TXNDC12: variants seen among roughly 807,000 people sequenced by gnomAD.
TXNDC12 encodes the protein thioredoxin domain containing 12.
In TXNDC12, 22 loss-of-function variants were observed where a neutral mutation model predicts 24.2. The observed-to-expected ratio is 0.91, with a 90% confidence interval of 0.65 to 1.30. The LOEUF (loss-of-function observed/expected upper bound fraction) is 1.30, where lower values mean the gene tolerates loss of function less well. TXNDC12 is among the 50% of genes most tolerant of loss of function. The probability of loss-of-function intolerance (pLI) is 0.00; values close to 1 mark genes in which losing one functional copy is unlikely to be tolerated. For missense variants in TXNDC12, 184 were observed against 205.8 expected (o/e 0.89, Z 0.65); for synonymous variants, 58 against 73.4 (o/e 0.79, Z 1.07).
intron 2 of TXNDC12, chr1:52,033,505 C>T (rs1685819706): frequency 6.2e-7 from 1 of 1,613,954 alleles, no homozygotes. Context: ...GTAACGGAAA[C>T]CTTTGATGTA....
chr1:52,033,075 TA>T (rs1430420696), intron 2 of TXNDC12: 2 of 1,604,868 alleles, frequency 1.2e-6, no homozygotes, highest in Admixed American at 3.5e-5. Flanking sequence ...CCAAAGTGAA[TA>T]AAGGCCGGTC....
At chr1:52,034,062 T>G (rs1685837522) in intron 2 of TXNDC12, 1 of 1,319,246 alleles carries the variant, frequency 7.6e-7, no homozygotes, top group African/African-American at 1.5e-5. Flanking sequence ...CTAAGGGGCA[T>G]TAAATATTGT....
intron 2 of TXNDC12, chr1:52,032,361 C>A: frequency 9.2e-7 from 1 of 1,083,268 alleles, no homozygotes. Context: ...TCTATCCAGT[C>A]TGCTCTCCCA....
chr1:52,032,296 T>C (rs1572001400), intron 2 of TXNDC12: 33 of 1,000,778 alleles, frequency 3.3e-5, no homozygotes, highest in Non-Finnish European at 3.9e-5. Context: ...CAGGTGCAGA[T>C]GTAGAACTGT....
intron 4 of TXNDC12, among the ~76,000 whole-genome samples, chr1:52,026,294 CT>C (rs1195900741): frequency 1.2e-4 from 19 of 152,186 alleles, no homozygotes; most frequent in African/African-American, 4.6e-4. Context: ...CACATACCTG[CT>C]TCAGGCCTAA....
intron 2 of TXNDC12, chr1:52,032,084 T>G: frequency 4.4e-6 from 4 of 913,896 alleles, no homozygotes; most frequent in Non-Finnish European, 5.2e-6. Flanking sequence ...CAGGGAACAT[T>G]AAGTGAAAGA....
intron 2 of TXNDC12, among the ~76,000 whole-genome samples, chr1:52,035,840 A>G (rs1170125123): frequency 1.3e-5 from 2 of 152,224 alleles, no homozygotes; most frequent in East Asian, 1.9e-4. Flanking sequence ...AGACTATTCA[A>G]CTTGATTCTA....
chr1:52,038,315 GTT>G (rs34437108), intron 2 of TXNDC12, among the ~76,000 whole-genome samples: 6 of 141,504 alleles, frequency 4.2e-5, no homozygotes, highest in Admixed American at 7.1e-5. Flanking sequence ...CCTGTATCTT[GTT>G]TTTTTTTTTT....
At chr1:52,039,127 A>T (rs1685940662) in intron 2 of TXNDC12, among the ~76,000 whole-genome samples, 1 of 150,870 alleles carries the variant, frequency 6.6e-6, no homozygotes, top group Non-Finnish European at 1.5e-5. Context: ...TTATCTTGAA[A>T]CGACAAGCAA....
chr1:52,032,941 A>G (rs749629638), intron 2 of TXNDC12: 1 of 1,598,938 alleles, frequency 6.3e-7, no homozygotes. Context: ...GACCTGGTCC[A>G]ACTGGTGCAG....
intron 2 of TXNDC12, among the ~76,000 whole-genome samples, chr1:52,041,232 C>G (rs2124382669): frequency 1.3e-5 from 2 of 151,690 alleles, no homozygotes; most frequent in African/African-American, 4.8e-5. Context: ...ACTCGGGAGG[C>G]TGAGGCAGGA....
At chr1:52,044,531 A>C (rs1177644005) in intron 1 of TXNDC12, among the ~76,000 whole-genome samples, 1 of 152,270 alleles carries the variant, frequency 6.6e-6, no homozygotes, top group African/African-American at 2.4e-5. Context: ...AGAAGTCGCC[A>C]CAAGAACACA....
intron 2 of TXNDC12, among the ~76,000 whole-genome samples, chr1:52,031,593 A>T (rs1685758281): frequency 6.6e-6 from 1 of 151,912 alleles, no homozygotes; most frequent in Non-Finnish European, 1.5e-5. Context: ...CCCAGGTTCA[A>T]GCGATTCTCG....
At position 52,033,968 on chromosome 1, in the gene TXNDC12, G is replaced by A. The variant is rs1685835798; in HGVS notation, c.159-5338C>T. On this transcript the variant is annotated intron_variant, in intron 2 of 6. Transcript: ENST00000371626. ...AGATACAGAGACTATAATGGCATCAGTTATTTATGCCAAATGTTATAGGCC... is the reference window on the plus strand; with the variant it reads ...AGATACAGAGACTATAATGGCATCAATTATTTATGCCAAATGTTATAGGCC... 10 of 1,418,246 alleles carry A rather than the reference G, an allele frequency of 7.1e-6. No homozygotes were observed. In the Admixed American group the frequency reaches 2.8e-4, roughly 40 times the overall value. The allele number at this position is 1,418,246 out of a possible 1,614,324, so 87.9% of individuals were successfully genotyped here.
chr1:52,043,716 C>A (rs928562654), intron 1 of TXNDC12, among the ~76,000 whole-genome samples: 2 of 152,198 alleles, frequency 1.3e-5, no homozygotes, highest in Non-Finnish European at 2.9e-5. Context: ...ACTTCTGAGG[C>A]TCAGAGAAGT....
intron 5 of TXNDC12, among the ~76,000 whole-genome samples, chr1:52,023,806 A>T (rs970474858): frequency 1.2e-4 from 19 of 152,110 alleles, no homozygotes; most frequent in African/African-American, 4.3e-4. Flanking sequence ...GGTGGTCATT[A>T]AATATCTCTT....
chr1:52,024,142 G>C (rs542587983), intron 5 of TXNDC12, among the ~76,000 whole-genome samples: 4 of 151,892 alleles, frequency 2.6e-5, no homozygotes, highest in African/African-American at 9.7e-5. Flanking sequence ...CTACAGGTGC[G>C]TGCCACCACA....
chr1:52,020,867 A>T lies in TXNDC12; in HGVS notation c.*66T>A. The T allele has an allele frequency of 7.2e-7, 1 of 1,380,362 alleles. No individual in the cohort carries two copies. Among genetic ancestry groups the T allele is most frequent in the Non-Finnish European group, 1.0e-6 (1 of 970,330 alleles). 85.5% of individuals were successfully genotyped at this position (1,380,362 alleles called of 1,614,324 possible). A position where few individuals can be genotyped will look rare whatever the true frequency, so the allele number is the denominator to read the frequency against. ...CTTAATTGTTCTAGATGATTCCTCA[A>T]TATTCCCTTCCCTGCTGCTTTCCTT... is the stretch of plus-strand genomic sequence containing the variant. On this transcript the variant is annotated 3_prime_UTR_variant, in exon 7 of 7. Transcript: ENST00000371626.
chr1:52,055,638 G>C (rs1292023851), upstream of TXNDC12: 1 of 156,554 alleles, frequency 6.4e-6, no homozygotes, highest in African/African-American at 2.4e-5. Flanking sequence ...GAGGGTCTCT[G>C]AGGAGACCTG....
Sources: allele counts gnomAD v4.1 joint callset (sites outside exome capture counted in the v4.1 genomes callset), GRCh38; gene constraint gnomAD v4.1.1; transcripts MANE v1.5; gene names NCBI Gene and HGNC (gene_info 2026-07-23, HGNC 2026-07-21).